Variants in MTA3 observed in about 807,000 individuals in gnomAD.
The protein encoded by MTA3 is metastasis-associated protein MTA3.
A neutral mutation model predicts 83.5 loss-of-function variants in MTA3; 34 were observed. That is an observed-to-expected ratio of 0.41 (90% confidence interval 0.31 to 0.54). The LOEUF (loss-of-function observed/expected upper bound fraction) is 0.54, where lower values mean the gene tolerates loss of function less well. Among genes scored for constraint, MTA3 ranks in the 20% least tolerant of loss-of-function variants. The probability of loss-of-function intolerance (pLI) is 0.33; values close to 1 mark genes in which losing one functional copy is unlikely to be tolerated. For synonymous variants in MTA3, 303 were observed against 252.7 expected (o/e 1.20, Z -1.89); for missense variants, 761 against 726.4 (o/e 1.05, Z -0.55).
At chr2:42,720,500 A>G (rs1667328894) in intron 15 of MTA3, among the ~76,000 whole-genome samples, 1 of 152,004 alleles carries the variant, frequency 6.6e-6, no homozygotes, top group Non-Finnish European at 1.5e-5. Context: ...TTTATTTCTC[A>G]GGGGTTAAAG....
chr2:42,553,389 A>T (rs1479486318), intron 2 of MTA3, among the ~76,000 whole-genome samples: 2 of 129,816 alleles, frequency 1.5e-5, no homozygotes, highest in Non-Finnish European at 3.2e-5. Flanking sequence ...GCGCCACTGC[A>T]CTCCAGCCTG....
upstream of MTA3, among the ~76,000 whole-genome samples, chr2:42,565,604 G>A (rs1677876324): frequency 6.6e-6 from 1 of 152,146 alleles, no homozygotes. Context: ...GGGATTTCTG[G>A]CATGGCCTGA....
At chr2:42,733,784 G>A (rs1573799554) in intron 16 of MTA3, among the ~76,000 whole-genome samples, 1 of 152,120 alleles carries the variant, frequency 6.6e-6, no homozygotes, top group East Asian at 1.9e-4. Context: ...ACAGGTATGA[G>A]CCACTGCACC....
At chr2:42,648,163 A>AT (rs1558540995) in intron 6 of MTA3, among the ~76,000 whole-genome samples, 1 of 151,898 alleles carries the variant, frequency 6.6e-6, no homozygotes, top group East Asian at 1.9e-4. Flanking sequence ...TCTAATGACT[A>AT]TTTTTTTAGG....
chr2:42,645,162 T>A (rs6544580), intron 6 of MTA3, among the ~76,000 whole-genome samples: 1 of 138,928 alleles, frequency 7.2e-6, no homozygotes, highest in Non-Finnish European at 1.5e-5. Context: ...GGTGACAGAG[T>A]GAGACTCTGT....
At chr2:42,517,694 A>T (rs1192609093) in intron 2 of MTA3, among the ~76,000 whole-genome samples, 1 of 151,646 alleles carries the variant, frequency 6.6e-6, no homozygotes, top group Non-Finnish European at 1.5e-5. Context: ...CTTGGCCAAC[A>T]TGGGGAAACC....
At chr2:42,554,126 C>G (rs576411622) in intron 2 of MTA3, among the ~76,000 whole-genome samples, 2 of 151,868 alleles carry the variant, frequency 1.3e-5, no homozygotes, top group Non-Finnish European at 2.9e-5. Flanking sequence ...CCCAGCTACT[C>G]GGGAAGCTGA....
At chr2:42,665,819 A>C (rs1331971457) in intron 8 of MTA3, among the ~76,000 whole-genome samples, 1 of 152,226 alleles carries the variant, frequency 6.6e-6, no homozygotes, top group African/African-American at 2.4e-5. Context: ...AAAACAATAC[A>C]TTGTATAAGG....
At chr2:42,578,657 G>C (rs1020619191) in intron 2 of MTA3, among the ~76,000 whole-genome samples, 2 of 152,154 alleles carry the variant, frequency 1.3e-5, no homozygotes, top group Non-Finnish European at 2.9e-5. Context: ...TTTACACTTA[G>C]CTAGTGCTTT....
chr2:42,638,897 T>G (rs1200889373), intron 4 of MTA3, among the ~76,000 whole-genome samples: 2 of 151,888 alleles, frequency 1.3e-5, no homozygotes, highest in African/African-American at 2.4e-5. Context: ...GGGTTTTTTT[T>G]TTTTTTAATT....
chr2:42,609,368 T>G, intron 3 of MTA3, 90 bp from the exon 4 acceptor site: 1 of 1,338,848 alleles, frequency 7.5e-7, no homozygotes, highest in Non-Finnish European at 1.0e-6. Context: ...TTGAAGAAAA[T>G]ATTGAATAAA....
intron 4 of MTA3, chr2:42,613,978 A>G (rs1684533016): frequency 6.6e-6 from 1 of 152,218 alleles, no homozygotes; most frequent in African/African-American, 2.4e-5. Flanking sequence ...ATAATAGATT[A>G]TATGTTGCAA....
intron 14 of MTA3, among the ~76,000 whole-genome samples, chr2:42,711,846 G>C (rs1666649156): frequency 6.7e-6 from 1 of 148,942 alleles, no homozygotes; most frequent in African/African-American, 2.5e-5. Context: ...GTTTCTCAAA[G>C]GCAGTGTTAG....
chr2:42,578,892 GTTA>G (rs1558453005), intron 2 of MTA3, among the ~76,000 whole-genome samples: 1 of 152,116 alleles, frequency 6.6e-6, no homozygotes, highest in African/African-American at 2.4e-5. Context: ...TAATGCCAGT[GTTA>G]TTATATGTTT....
chr2:42,598,882 A>G (rs183151585), intron 3 of MTA3, among the ~76,000 whole-genome samples: 1 of 152,258 alleles, frequency 6.6e-6, no homozygotes, highest in South Asian at 2.1e-4. Context: ...CTTGACATAC[A>G]TGGGAAGTGG....
intron 2 of MTA3, among the ~76,000 whole-genome samples, chr2:42,501,279 T>C (rs746590121): frequency 6.6e-6 from 1 of 152,212 alleles, no homozygotes. Context: ...TAGATTCCTC[T>C]GGTCCTATCT....
chr2:42,668,108 G>A (rs1418011144), intron 8 of MTA3, among the ~76,000 whole-genome samples: 2 of 152,300 alleles, frequency 1.3e-5, no homozygotes, highest in East Asian at 3.9e-4. Context: ...CAGGAAGAGG[G>A]AGTGCAGCCA....
chr2:42,576,282 A>G (rs1679023118), intron 2 of MTA3, among the ~76,000 whole-genome samples: 1 of 152,188 alleles, frequency 6.6e-6, no homozygotes, highest in Non-Finnish European at 1.5e-5. Context: ...GACATAGAGA[A>G]TGACAGGTCA....
chr2:42,703,075 C>G (rs1665730388), intron 11 of MTA3: 1 of 152,228 alleles, frequency 6.6e-6, no homozygotes, highest in African/African-American at 2.4e-5. Flanking sequence ...TCCTCCCACC[C>G]TAGCCTTCTG....
Sources: allele counts gnomAD v4.1 joint callset (sites outside exome capture counted in the v4.1 genomes callset), GRCh38; gene constraint gnomAD v4.1.1; transcripts MANE v1.5; gene names NCBI Gene and HGNC (gene_info 2026-07-23, HGNC 2026-07-21).